Variants in MAML1 observed in about 807,000 individuals in gnomAD.
The protein encoded by MAML1 is mastermind-like protein 1.
MAML1 carries 14 observed loss-of-function variants against 77.1 expected under a neutral mutation model. The ratio of observed to expected loss-of-function variants is 0.18; its 90% CI spans 0.12 to 0.28. The LOEUF is 0.28. Among genes scored for constraint, MAML1 ranks in the 10% least tolerant of loss-of-function variants. The pLI is 1.00. For synonymous variants in MAML1, 516 were observed against 551.9 expected, an observed-to-expected ratio of 0.93 and a Z score of 0.91; for missense variants, 1,217 against 1,327.8, an observed-to-expected ratio of 0.92 and a Z score of 1.30.
intron 1 of MAML1, among the ~76,000 whole-genome samples, chr5:179,755,597 T>C (rs1738660989): frequency 6.6e-6 from 1 of 151,996 alleles, no homozygotes; most frequent in South Asian, 2.1e-4. Context: ...GAGTTGATGT[T>C]TGAGCTAAAT....
rs1350056606 is a variant in MAML1 at position 179,766,071 on chromosome 5, C to G, written c.1061C>G (p.Pro354Arg). Residue 354 changes from proline (P) to arginine (R), a missense_variant, in exon 2 of 5, where the codon CCC (proline) becomes CGC (arginine). Coordinates refer to ENST00000292599, the MANE Select transcript of MAML1 (RefSeq NM_014757.5). This position sits in a 1 kb window ranked among gnomAD's most constrained non-coding sequence, Gnocchi z 4.0. ...SQTLFHTSGQPRADNPSPNLM... is the reference protein window; with the variant it reads ...SQTLFHTSGQRRADNPSPNLM... The stretch of plus-strand genomic sequence containing the variant: ...ACCTTATTCCACACCTCTGGTCAGC[C>G]CCGGGCGGACAATCCCAGTCCAAAC... 6 of 1,587,550 alleles carry G rather than the reference C, an allele frequency of 3.8e-6. No individual in the cohort carries two copies. The highest frequency in any genetic ancestry group is 4.3e-6 in the Non-Finnish European group (5 of 1,168,132).
intron 1 of MAML1, among the ~76,000 whole-genome samples, chr5:179,746,318 C>T (rs1779382338): frequency 6.6e-6 from 1 of 152,112 alleles, no homozygotes; most frequent in Admixed American, 6.5e-5. Flanking sequence ...TGCACTGCAG[C>T]CTGGCGGCAG....
chr5:179,752,749 C>T (rs1779520496), intron 1 of MAML1, among the ~76,000 whole-genome samples: 1 of 151,160 alleles, frequency 6.6e-6, no homozygotes, highest in South Asian at 2.1e-4. Context: ...CTCTTTATGT[C>T]CTCTTTCATC....
intron 3 of MAML1, among the ~76,000 whole-genome samples, chr5:179,770,633 G>T (rs942279066): frequency 3.3e-5 from 5 of 152,156 alleles, no homozygotes; most frequent in African/African-American, 9.7e-5. Context: ...GAGTATTGCT[G>T]CTATGAACAT....
At chr5:179,767,741 G>A (rs924933385) in intron 2 of MAML1, among the ~76,000 whole-genome samples, 2 of 152,184 alleles carry the variant, frequency 1.3e-5, no homozygotes, top group African/African-American at 4.8e-5. Flanking sequence ...TGCAACTTAC[G>A]AAGCACTCTC....
intron 1 of MAML1, among the ~76,000 whole-genome samples, chr5:179,762,666 G>A (rs893989741): frequency 5.9e-5 from 9 of 152,210 alleles, no homozygotes; most frequent in African/African-American, 2.2e-4. Flanking sequence ...AGCACCTTCT[G>A]TGTCTGTTCT....
chr5:179,748,513 T>G (rs1779425061), intron 1 of MAML1, among the ~76,000 whole-genome samples: 1 of 152,184 alleles, frequency 6.6e-6, no homozygotes, highest in Admixed American at 6.5e-5. Context: ...AACAATATTA[T>G]AAGAGTTGTT....
chr5:179,768,778 A>C, intron 2 of MAML1, 72 bp from the exon 3 acceptor site: 1 of 1,558,916 alleles, frequency 6.4e-7, no homozygotes, highest in Non-Finnish European at 8.7e-7. Context: ...GTGAACCTTG[A>C]ATTCACTGGA....
At position 179,737,419 on chromosome 5, in the gene MAML1, G is replaced by A. The variant is rs530629518; in HGVS notation, c.315+3992G>A. On this transcript the variant is annotated intron_variant, in intron 1 of 4. Coordinates refer to ENST00000292599, the MANE Select transcript of MAML1 (RefSeq NM_014757.5). The stretch of plus-strand genomic sequence containing the variant: ...GGGAAGAGAGTCCTTGAGTATGTAC[G>A]ATTTTGGCTTGGAGAAAACAGCTTT... 5.9e-5 allele frequency among the ~76,000 whole-genome samples: 9 copies of A among 152,262 alleles called. No homozygotes were observed. In the South Asian group the frequency reaches 1.9e-3, roughly 32 times the overall value.
intron 1 of MAML1, among the ~76,000 whole-genome samples, chr5:179,745,509 A>C (rs1392169538): frequency 1.3e-5 from 2 of 151,582 alleles, no homozygotes; most frequent in Non-Finnish European, 2.9e-5. Context: ...TGAGGTCAGC[A>C]GTTCAAGACC....
In MAML1 at chr5:179,766,695, C is replaced by A. The variant is rs780648283; in HGVS notation, c.1685C>A (p.Pro562Gln). The change falls in exon 2 of 5, where the codon CCA (proline) becomes CAA (glutamine). Residue 562 changes from proline (P) to glutamine (Q), a missense_variant. Physicochemically the swap from Pro to Gln is moderately conservative, Grantham distance 76 (BLOSUM62 -1). Coordinates refer to ENST00000292599, the MANE Select transcript of MAML1 (RefSeq NM_014757.5). The surrounding 1 kb of genome is among the most constrained non-coding windows in gnomAD (Gnocchi z 4.0). ...HEQNSLFLMK[P>Q]KPGNMPFRSL... ...CAGAACTCCCTGTTTCTGATGAAGC[C>A]AAAGCCAGGAAATATGCCTTTCCGA... 2 of 1,585,098 alleles carry A rather than the reference C, an allele frequency of 1.3e-6. No individual in the cohort carries two copies. The highest frequency in any genetic ancestry group is 3.6e-5 in the Admixed American group (2 of 54,946).
At chr5:179,745,282 G>C (rs1449918854) in intron 1 of MAML1, among the ~76,000 whole-genome samples, 1 of 152,058 alleles carries the variant, frequency 6.6e-6, no homozygotes, top group East Asian at 1.9e-4. Context: ...ATGAGATAGG[G>C]CTCCCTTACC....
intron 4 of MAML1, among the ~76,000 whole-genome samples, chr5:179,772,193 A>G (rs1699919578): frequency 6.6e-6 from 1 of 152,190 alleles, no homozygotes. Flanking sequence ...ATCTTGGCTC[A>G]CTACAACCTC....
chr5:179,762,720 G>T (rs1364300510), intron 1 of MAML1, among the ~76,000 whole-genome samples: 1 of 152,090 alleles, frequency 6.6e-6, no homozygotes, highest in Non-Finnish European at 1.5e-5. Flanking sequence ...CATCTCTATT[G>T]TGATTCTTTG....
At position 179,748,801 on chromosome 5, in the gene MAML1, A is replaced by T. The variant is rs139630625; in HGVS notation, c.315+15374A>T. Among the ~76,000 whole-genome samples the T allele has an allele frequency of 3.3e-4, 50 of 152,316 alleles. 1 individual carries two copies. The East Asian group carries it at 7.9e-3, about 24-fold the overall frequency. The stretch of plus-strand genomic sequence containing the variant: ...TACCAGGTCACATATCAAGAATCAG[A>T]ATGTCTTTGGACTTCATGGCAGCAG... On this transcript the variant is annotated intron_variant, in intron 1 of 4. Coordinates refer to ENST00000292599, the MANE Select transcript of MAML1 (RefSeq NM_014757.5).
chr5:179,752,598 C>CTTTTTTTTTTTTTTTTTTTT lies in MAML1; in HGVS notation c.316-12721_316-12702dup, dbSNP rs1172970221. ...TGAGTTTAACACTTTATTAGATACT[C>CTTTTTTTTTTTTTTTTTTTT]TTTTTTTTTTTTTTTTTTTTTTTTT... On this transcript the variant is annotated intron_variant, in intron 1 of 4. Coordinates refer to ENST00000292599, the MANE Select transcript of MAML1 (RefSeq NM_014757.5). Among the ~76,000 whole-genome samples, 2 of 71,820 alleles carry CTTTTTTTTTTTTTTTTTTTT rather than the reference C, an allele frequency of 2.8e-5. 1 individual carries two copies. Among genetic ancestry groups the CTTTTTTTTTTTTTTTTTTTT allele is most frequent in the African/African-American group, 1.0e-4 (2 of 19,638 alleles). The allele number at this position is 71,820 out of a possible 152,430, so 47.1% of individuals were successfully genotyped here. A position where few individuals can be genotyped will look rare whatever the true frequency, so the allele number is the denominator to read the frequency against.
At position 179,732,971 on chromosome 5, in the gene MAML1, C is replaced by G. The variant is rs996619569; in HGVS notation, c.-142C>G. ...AGCGGGGCAGGAGGAAAACCCGCCG[C>G]CGCGCGCGAGCCCGCTCCGCTGCCC... On this transcript the variant is annotated 5_prime_UTR_variant, in exon 1 of 5. Transcript: ENST00000292599. 1 of 431,050 alleles carries G rather than the reference C, an allele frequency of 2.3e-6. No homozygotes were observed. Among genetic ancestry groups the G allele is most frequent in the African/African-American group, 2.1e-5 (1 of 47,626 alleles). The allele number at this position is 431,050 out of a possible 1,614,324, so 26.7% of individuals were successfully genotyped here. A position where few individuals can be genotyped will look rare whatever the true frequency, so the allele number is the denominator to read the frequency against.
At chr5:179,768,382 G>A (rs779176897) in intron 2 of MAML1, among the ~76,000 whole-genome samples, 37 of 152,310 alleles carry the variant, frequency 2.4e-4, no homozygotes, top group Admixed American at 7.8e-4. Flanking sequence ...GCTTGAATTC[G>A]GGAGGCAGAG....
At chr5:179,759,250 A>C (rs561533740) in intron 1 of MAML1, among the ~76,000 whole-genome samples, 1 of 152,324 alleles carries the variant, frequency 6.6e-6, no homozygotes, top group South Asian at 2.1e-4. Flanking sequence ...TGTCGGCAGC[A>C]GACCCCAGCA....
Sources: allele counts gnomAD v4.1 joint callset (sites outside exome capture counted in the v4.1 genomes callset), GRCh38; gene constraint gnomAD v4.1.1; non-coding constraint Gnocchi (gnomAD v3.1); transcripts MANE v1.5; gene names NCBI Gene and HGNC (gene_info 2026-07-23, HGNC 2026-07-21).